LRMDA: variants seen among roughly 807,000 people sequenced by gnomAD.
LRMDA encodes leucine rich melanocyte differentiation associated, also known as leucine-rich melanocyte differentiation-associated protein.
In LRMDA, 18 loss-of-function variants were observed where a neutral mutation model predicts 29.8. The ratio of observed to expected loss-of-function variants is 0.60; its 90% CI spans 0.42 to 0.90. The LOEUF is 0.90. Among genes scored for constraint, LRMDA ranks in the 40% least tolerant of loss-of-function variants. The pLI is 0.00. For missense variants in LRMDA, 273 were observed against 273.9 expected (o/e 1.00, Z 0.02); for synonymous variants, 125 against 109.4 (o/e 1.14, Z -0.89).
chr10:75,540,735 A>T (rs747697795), intron 2 of LRMDA, among the ~76,000 whole-genome samples: 2 of 152,178 alleles, frequency 1.3e-5, no homozygotes, highest in African/African-American at 2.4e-5. Flanking sequence ...TTAGTTGTGT[A>T]TGTGATTGTC....
rs143794601 is a variant in LRMDA at position 76,173,862 on chromosome 10, G to A, written c.516+115079G>A. On this transcript the variant is annotated intron_variant, in intron 5 of 6. Coordinates refer to ENST00000611255, the MANE Select transcript of LRMDA (RefSeq NM_001305581.2). ...TTTTTAGTGGAGATGGGGTTTCACC[G>A]TGTTAGCTAGGATGGTCTCAATCTT... 8.0e-3 allele frequency among the ~76,000 whole-genome samples: 1,213 copies of A among 152,222 alleles called. 19 individuals are homozygous for A. The highest frequency in any genetic ancestry group is 0.026 in the African/African-American group (1,096 of 41,532).
intron 2 of LRMDA, among the ~76,000 whole-genome samples, chr10:75,439,158 G>A (rs1844297672): frequency 6.6e-6 from 1 of 152,170 alleles, no homozygotes; most frequent in Non-Finnish European, 1.5e-5. Flanking sequence ...TCCCTAAAAG[G>A]TTATGCCTTG....
At chr10:76,251,882 C>T (rs1233966947) in intron 5 of LRMDA, among the ~76,000 whole-genome samples, 2 of 152,122 alleles carry the variant, frequency 1.3e-5, no homozygotes, top group East Asian at 1.9e-4. Context: ...GGTGGTGGAG[C>T]GTGTTAAATA....
chr10:76,279,160 G>A (rs1840171467), intron 5 of LRMDA, among the ~76,000 whole-genome samples: 1 of 152,208 alleles, frequency 6.6e-6, no homozygotes, highest in African/African-American at 2.4e-5. Context: ...ACCAAATACA[G>A]TAACACTAAA....
At chr10:75,963,842 G>A (rs1387028574) in intron 2 of LRMDA, among the ~76,000 whole-genome samples, 1 of 152,300 alleles carries the variant, frequency 6.6e-6, no homozygotes, top group Non-Finnish European at 1.5e-5. Flanking sequence ...GTCCAGTTCA[G>A]ATTAAAGACA....
chr10:75,434,725 T>C (rs1844245580), intron 1 of LRMDA, among the ~76,000 whole-genome samples: 2 of 152,232 alleles, frequency 1.3e-5, no homozygotes, highest in Admixed American at 1.3e-4. Flanking sequence ...TAGCTGGGAA[T>C]ACAGGTGTGC....
At chr10:76,244,025 A>C (rs1269922019) in intron 5 of LRMDA, among the ~76,000 whole-genome samples, 1 of 152,180 alleles carries the variant, frequency 6.6e-6, no homozygotes, top group African/African-American at 2.4e-5. Flanking sequence ...TAGAGGCTGG[A>C]CTTATGTAGA....
chr10:76,042,335 G>A (rs1053002662), intron 3 of LRMDA, among the ~76,000 whole-genome samples: 2 of 152,170 alleles, frequency 1.3e-5, no homozygotes, highest in Non-Finnish European at 2.9e-5. Context: ...ATACCCAAAA[G>A]CAGGCAGGCT....
At chr10:75,663,578 A>G (rs927891028) in intron 2 of LRMDA, among the ~76,000 whole-genome samples, 1 of 152,184 alleles carries the variant, frequency 6.6e-6, no homozygotes, top group African/African-American at 2.4e-5. Flanking sequence ...AGCCCTGGAG[A>G]TAAAGGGATG....
chr10:75,598,052 A>AT (rs1458220379), intron 2 of LRMDA, among the ~76,000 whole-genome samples: 1 of 152,120 alleles, frequency 6.6e-6, no homozygotes, highest in Non-Finnish European at 1.5e-5. Flanking sequence ...GCCGGCATTG[A>AT]TTTTTCTTGA....
intron 5 of LRMDA, among the ~76,000 whole-genome samples, chr10:76,190,487 T>G (rs1254436737): frequency 4.6e-5 from 7 of 152,226 alleles, no homozygotes; most frequent in Admixed American, 4.6e-4. Context: ...TTGATTTGAC[T>G]GCCAGTGACT....
chr10:76,057,773 T>C (rs1848640254), intron 4 of LRMDA, among the ~76,000 whole-genome samples: 1 of 152,228 alleles, frequency 6.6e-6, no homozygotes, highest in African/African-American at 2.4e-5. Flanking sequence ...AACTCGCTTG[T>C]TTGATTGTTG....
chr10:75,846,661 T>G (rs1844643325), intron 2 of LRMDA, among the ~76,000 whole-genome samples: 2 of 152,208 alleles, frequency 1.3e-5, no homozygotes, highest in Non-Finnish European at 2.9e-5. Context: ...AAGCACCATA[T>G]TAAGTGTGGA....
At chr10:75,671,864 C>T (rs1272429526) in intron 2 of LRMDA, among the ~76,000 whole-genome samples, 1 of 152,134 alleles carries the variant, frequency 6.6e-6, no homozygotes, top group Middle Eastern at 3.4e-3. Context: ...AAGAGGACAC[C>T]GTTTCACATG....
At chr10:75,857,610 A>G (rs1844850254) in intron 2 of LRMDA, among the ~76,000 whole-genome samples, 1 of 152,242 alleles carries the variant, frequency 6.6e-6, no homozygotes, top group Non-Finnish European at 1.5e-5. Context: ...ATAATGGTGA[A>G]AGTAATCTAT....
At chr10:76,338,082 A>AC (rs1840991258) in intron 6 of LRMDA, among the ~76,000 whole-genome samples, 1 of 151,982 alleles carries the variant, frequency 6.6e-6, no homozygotes, top group African/African-American at 2.4e-5. Flanking sequence ...AGAAAAAAAA[A>AC]AAAACAATTC....
chr10:76,516,308 G>A (rs1843060427), intron 6 of LRMDA, among the ~76,000 whole-genome samples: 1 of 151,858 alleles, frequency 6.6e-6, no homozygotes, highest in African/African-American at 2.4e-5. Context: ...AATAAAGGTG[G>A]GTTAAAACAG....
intron 2 of LRMDA, among the ~76,000 whole-genome samples, chr10:76,013,533 A>T (rs1847822512): frequency 6.6e-6 from 1 of 152,136 alleles, no homozygotes; most frequent in South Asian, 2.1e-4. Flanking sequence ...GTATACAAAG[A>T]AAGTGAGGGC....
chr10:76,176,911 C>G (rs10458661), intron 5 of LRMDA, among the ~76,000 whole-genome samples: 28,106 of 152,100 alleles, frequency 0.18, 3,075 homozygotes, highest in East Asian at 0.52. Flanking sequence ...CACGTAATAC[C>G]TGTTTCTTCC....
Sources: allele counts gnomAD v4.1 joint callset (sites outside exome capture counted in the v4.1 genomes callset), GRCh38; gene constraint gnomAD v4.1.1; transcripts MANE v1.5; gene names NCBI Gene and HGNC (gene_info 2026-07-23, HGNC 2026-07-21).